Variants in MCC observed in about 807,000 individuals in gnomAD.
MCC encodes the protein colorectal mutant cancer protein.
Under a neutral mutation model 116.2 loss-of-function variants are expected in MCC, and 90 were observed. The observed-to-expected ratio is 0.77, with a 90% CI of 0.65 to 0.92. The LOEUF (loss-of-function observed/expected upper bound fraction) is 0.92. Among genes scored for constraint, MCC ranks in the 40% least tolerant of loss-of-function variants. The pLI is 0.00. For synonymous variants in MCC, 578 were observed against 510.5 expected (o/e 1.13, Z -1.78); for missense variants, 1,516 against 1,312.2 (o/e 1.16, Z -2.40).
At chr5:113,044,425 C>A (rs993067279) in intron 16 of MCC, 1 of 908,232 alleles carries the variant, frequency 1.1e-6, no homozygotes, top group East Asian at 1.2e-4. Flanking sequence ...ATTCCATGCA[C>A]AGAGAGGACA....
At chr5:113,177,506 A>G (rs963810243) in intron 3 of MCC, among the ~76,000 whole-genome samples, 4 of 152,250 alleles carry the variant, frequency 2.6e-5, no homozygotes, top group African/African-American at 9.6e-5. Flanking sequence ...AGGGCTAGAC[A>G]GTCCAATGAC....
intron 5 of MCC, among the ~76,000 whole-genome samples, chr5:113,127,865 T>C (rs532820036): frequency 1.2e-4 from 18 of 152,338 alleles, no homozygotes; most frequent in African/African-American, 3.8e-4. Flanking sequence ...CATTTGTCAA[T>C]TTTTGCTTTG....
At position 113,053,925 on chromosome 5, in the gene MCC, C is replaced by T. The variant is rs779662197; in HGVS notation, c.2248G>A (p.Glu750Lys). ...CTCTGCTCGTCTTCTTTAGTGAACT[C>T]GGTGTCGCAACTACTGGCTGTGGAG... ...TSSTASSCDTEFTKEDEQRLK... is the reference protein window; with the variant it reads ...TSSTASSCDTKFTKEDEQRLK... The change falls in exon 15 of 19, where the codon GAG (glutamate) becomes AAG (lysine). Residue 750 changes from glutamate (E) to lysine (K), a missense_variant. Transcript: ENST00000408903. 8.7e-6 allele frequency: 14 copies of T among 1,613,682 alleles called. No homozygotes were observed. The highest frequency in any genetic ancestry group is 2.2e-5 in the South Asian group (2 of 91,064).
At chr5:113,453,415 T>C (rs1263680549) in intron 1 of MCC, among the ~76,000 whole-genome samples, 2 of 152,092 alleles carry the variant, frequency 1.3e-5, no homozygotes, top group Admixed American at 6.5e-5. Context: ...CTCACAAATC[T>C]CTTGAAGTGA....
chr5:113,160,961 T>A (rs187656227), intron 3 of MCC, among the ~76,000 whole-genome samples: 78 of 152,278 alleles, frequency 5.1e-4, no homozygotes, highest in Non-Finnish European at 8.4e-4. Flanking sequence ...GTTATTACCT[T>A]CAACTGATGT....
chr5:113,233,251 C>T (rs189838051), intron 3 of MCC, among the ~76,000 whole-genome samples: 1 of 152,264 alleles, frequency 6.6e-6, no homozygotes, highest in Admixed American at 6.5e-5. Flanking sequence ...ATGTATGTAA[C>T]ACCTACCATG....
At chr5:113,360,074 C>CA (rs1768508608) in intron 2 of MCC, among the ~76,000 whole-genome samples, 2 of 152,062 alleles carry the variant, frequency 1.3e-5, no homozygotes, top group African/African-American at 4.8e-5. Context: ...TGCTCCCTGC[C>CA]ATGAAAAGCA....
intron 3 of MCC, among the ~76,000 whole-genome samples, chr5:113,242,644 G>A (rs1764417628): frequency 1.3e-5 from 2 of 151,926 alleles, no homozygotes; most frequent in Admixed American, 1.3e-4. Flanking sequence ...CAGCAGGAGA[G>A]GCAGAGTGCC....
intron 1 of MCC, among the ~76,000 whole-genome samples, chr5:113,472,444 G>C (rs543166353): frequency 6.6e-6 from 1 of 152,230 alleles, no homozygotes; most frequent in African/African-American, 2.4e-5. Flanking sequence ...ATTTGTTTAT[G>C]CATGTGTATA....
intron 1 of MCC, among the ~76,000 whole-genome samples, chr5:113,478,605 T>C (rs1323382830): frequency 1.3e-5 from 2 of 152,156 alleles, no homozygotes; most frequent in Non-Finnish European, 2.9e-5. Context: ...CCATCAGACA[T>C]GGAAGTCAAG....
At chr5:113,214,510 G>A (rs6873495) in intron 3 of MCC, among the ~76,000 whole-genome samples, 4,625 of 152,220 alleles carry the variant, frequency 0.03, 82 homozygotes, top group African/African-American at 0.038. Flanking sequence ...AAAGTGATGT[G>A]TACTAGATCA....
intron 3 of MCC, among the ~76,000 whole-genome samples, chr5:113,315,588 C>T (rs1250991328): frequency 6.6e-6 from 1 of 151,672 alleles, no homozygotes; most frequent in Non-Finnish European, 1.5e-5. Flanking sequence ...TGACAGCAGG[C>T]CAGACGCAGT....
At chr5:113,247,576 G>T (rs951541102) in intron 3 of MCC, among the ~76,000 whole-genome samples, 1 of 152,154 alleles carries the variant, frequency 6.6e-6, no homozygotes, top group Non-Finnish European at 1.5e-5. Flanking sequence ...GCGTCTTAAG[G>T]ATCACTCTGG....
intron 11 of MCC, among the ~76,000 whole-genome samples, chr5:113,074,529 G>A (rs1177755883): frequency 6.6e-6 from 1 of 152,002 alleles, no homozygotes; most frequent in East Asian, 1.9e-4. Context: ...GCTGGACAGA[G>A]AATGACTTTG....
At chr5:113,122,354 CCCCAT>C (rs372354289) in intron 6 of MCC, among the ~76,000 whole-genome samples, 146 of 152,244 alleles carry the variant, frequency 9.6e-4, no homozygotes, top group African/African-American at 3.3e-3. Flanking sequence ...ATGTGTTGGC[CCCCAT>C]CCCATCCCTT....
intron 3 of MCC, chr5:113,269,102 G>T: frequency 2.3e-6 from 2 of 884,468 alleles, no homozygotes; most frequent in Non-Finnish European, 2.7e-6. Context: ...AGACAGGGAT[G>T]AAGGAAATAA....
In MCC at chr5:113,408,401, T is replaced by C. The variant is rs555559314; in HGVS notation, c.171-23189A>G. 9.5e-4 allele frequency among the ~76,000 whole-genome samples: 145 copies of C among 152,172 alleles called. 1 individual carries two copies. Among genetic ancestry groups the C allele is most frequent in the Non-Finnish European group, 1.8e-3 (121 of 68,030 alleles). On this transcript the variant is annotated intron_variant, in intron 1 of 18. Transcript: ENST00000408903. ...TGGGATCAAATACGAGATCTTTTTCTTGGAGATACAACATGTACTGTATTA... is the reference window on the plus strand; with the variant it reads ...TGGGATCAAATACGAGATCTTTTTCCTGGAGATACAACATGTACTGTATTA...
intron 3 of MCC, among the ~76,000 whole-genome samples, chr5:113,290,625 T>C (rs1766455731): frequency 6.6e-6 from 1 of 152,218 alleles, no homozygotes; most frequent in Non-Finnish European, 1.5e-5. Context: ...TTTAACAAGA[T>C]TAAACTACAT....
chr5:113,199,167 G>A (rs1026674665), intron 3 of MCC, among the ~76,000 whole-genome samples: 18 of 151,770 alleles, frequency 1.2e-4, no homozygotes, highest in Non-Finnish European at 1.9e-4. Flanking sequence ...GCGAGACTCC[G>A]TCTCCAAAGA....
Sources: gnomAD v4.1 joint callset for allele counts (sites outside exome capture counted in the v4.1 genomes callset) on GRCh38, gnomAD v4.1.1 for gene constraint, MANE v1.5 for transcripts, NCBI Gene and HGNC (gene_info 2026-07-23, HGNC 2026-07-21) for gene names.